The following KIAA1549 variants were observed in gnomAD, a reference collection of about 807,000 sequenced individuals.
The protein encoded by KIAA1549 is UPF0606 protein KIAA1549.
In KIAA1549, 70 loss-of-function variants were observed where a neutral mutation model predicts 156.4. The observed-to-expected ratio is 0.45, with a 90% CI of 0.37 to 0.55. KIAA1549 has a LOEUF of 0.55. KIAA1549 is among the 20% of genes least tolerant of loss of function. The pLI is 0.00. For missense variants in KIAA1549, 2,428 were observed against 2,540.9 expected, an observed-to-expected ratio of 0.96 and a Z score of 0.96; for synonymous variants, 1,103 against 1,066.4, an observed-to-expected ratio of 1.03 and a Z score of -0.67.
chr7:138,911,659 T>C lies in KIAA1549; in HGVS notation c.2968-336A>G, dbSNP rs140002726. Among the ~76,000 whole-genome samples the C allele has an allele frequency of 2.8e-3, 423 of 152,336 alleles. 1 individual carries two copies. The highest frequency in any genetic ancestry group is 8.9e-3 in the African/African-American group (371 of 41,584). On this transcript the variant is annotated intron_variant, in intron 3 of 19. Coordinates refer to ENST00000422774, the MANE Select transcript of KIAA1549 (RefSeq NM_001164665.2). ...CCAAAATAAATATGCAATTTAAAAATTTCTAGTGGCCACATTAAAAAACAT... is the reference window on the plus strand; with the variant it reads ...CCAAAATAAATATGCAATTTAAAAACTTCTAGTGGCCACATTAAAAAACAT...
At chr7:138,868,984 T>G (rs1000034770) in intron 14 of KIAA1549, among the ~76,000 whole-genome samples, 2 of 152,104 alleles carry the variant, frequency 1.3e-5, no homozygotes, top group Non-Finnish European at 2.9e-5. Flanking sequence ...GAGAAAGACA[T>G]ACATGAGAGC....
intron 9 of KIAA1549, 41 bp from the exon 10 acceptor site, chr7:138,894,567 C>T (rs1240166680): frequency 2.0e-5 from 32 of 1,591,276 alleles, no homozygotes; most frequent in Non-Finnish European, 2.8e-5. Flanking sequence ...ATTCCTTCTT[C>T]ACTCATGCAC....
intron 13 of KIAA1549, among the ~76,000 whole-genome samples, chr7:138,870,892 A>G (rs1328644871): frequency 6.6e-6 from 1 of 152,160 alleles, no homozygotes; most frequent in Non-Finnish European, 1.5e-5. Context: ...ATCCCGGCTC[A>G]GTGCAAACTC....
Position 138,919,031 on chromosome 7 carries a change from G to A in KIAA1549, c.595C>T (p.Pro199Ser), listed in dbSNP as rs1339409118. The change falls in exon 2 of 20, where the codon CCC becomes TCC. Residue 199 changes from proline to serine, a missense_variant. By Grantham distance (74) the Pro-to-Ser change is moderately conservative. Around this residue, in one of 5 missense-constraint regions of KIAA1549, gnomAD observed 893 missense variants for 847.9 expected, o/e 1.05. Transcript: ENST00000422774. ...TCTTCATCTTGTAAAGAAACCATGG[G>A]TAATGATGGAGTGAGCATAGGTTCT... ...ALEPMLTPSL[P>S]MVSLQDEEVT... 6.2e-7 allele frequency: 1 copy of A among 1,613,998 alleles called. No homozygotes were observed. Among genetic ancestry groups the A allele is most frequent in the East Asian group, 2.2e-5 (1 of 44,888 alleles).
At chr7:138,919,482 T>G (rs535291254) in intron 1 of KIAA1549, 44 bp from the exon 2 acceptor site, 1 of 1,574,246 alleles carries the variant, frequency 6.4e-7, no homozygotes, top group African/African-American at 1.4e-5. Flanking sequence ...GCATTGGAAG[T>G]CACACAGCTA....
intron 1 of KIAA1549, among the ~76,000 whole-genome samples, chr7:138,953,231 C>G (rs551810894): frequency 6.6e-6 from 1 of 152,292 alleles, no homozygotes; most frequent in African/African-American, 2.4e-5. Flanking sequence ...TGGTGCACAC[C>G]TGTAGTCCAA....
chr7:138,958,431 G>C (rs1286418278), intron 1 of KIAA1549, among the ~76,000 whole-genome samples: 1 of 152,180 alleles, frequency 6.6e-6, no homozygotes, highest in African/African-American at 2.4e-5. Context: ...TGCCCTAAAG[G>C]AACAGTCTTC....
intron 16 of KIAA1549, among the ~76,000 whole-genome samples, chr7:138,856,518 A>G (rs967398714): frequency 6.6e-6 from 1 of 152,148 alleles, no homozygotes; most frequent in African/African-American, 2.4e-5. Context: ...GCTTTCTATT[A>G]GTCTCTCTGT....
At chr7:138,920,082 C>T (rs1039233121) in intron 1 of KIAA1549, among the ~76,000 whole-genome samples, 1 of 145,452 alleles carries the variant, frequency 6.9e-6, no homozygotes, top group Non-Finnish European at 1.5e-5. Flanking sequence ...GCCTTCCCAG[C>T]TATGCTCTGG....
At chr7:138,952,532 G>A (rs1468559658) in intron 1 of KIAA1549, among the ~76,000 whole-genome samples, 1 of 152,174 alleles carries the variant, frequency 6.6e-6, no homozygotes, top group Non-Finnish European at 1.5e-5. Flanking sequence ...ATCAAATGGT[G>A]TTCATAAAGG....
At chr7:138,877,075 C>T (rs1332853779) in intron 12 of KIAA1549, among the ~76,000 whole-genome samples, 2 of 152,182 alleles carry the variant, frequency 1.3e-5, no homozygotes, top group Admixed American at 6.5e-5. Context: ...TGAGAGGGAA[C>T]GCTGGTCCCA....
intron 1 of KIAA1549, among the ~76,000 whole-genome samples, chr7:138,944,079 T>TC (rs1275797653): frequency 6.9e-6 from 1 of 145,446 alleles, no homozygotes; most frequent in African/African-American, 2.6e-5. Flanking sequence ...CTCTTAGCAT[T>TC]TTTTTTTTTG....
Position 138,917,194 on chromosome 7 carries a change from G to C in KIAA1549, c.2432C>G (p.Pro811Arg). The C allele has an allele frequency of 6.2e-7, 1 of 1,613,990 alleles. No individual in the cohort carries two copies. The highest frequency in any genetic ancestry group is 8.5e-7 in the Non-Finnish European group (1 of 1,179,896). Residue 811 changes from proline (P) to arginine (R), a missense_variant, in exon 2 of 20, where the codon CCT becomes CGT. Coordinates refer to ENST00000422774, the MANE Select transcript of KIAA1549 (RefSeq NM_001164665.2). ...ESSLFSTLTP[P>R]DDQISALDGH... is the part of the protein sequence containing the mutation. ...GTCTAGAGCACTGATTTGGTCGTCAGGAGGTGTCAGAGTTGAGAACAAAGA... is the reference window on the plus strand; with the variant it reads ...GTCTAGAGCACTGATTTGGTCGTCACGAGGTGTCAGAGTTGAGAACAAAGA...
chr7:138,950,599 G>T (rs1813466860), intron 1 of KIAA1549, among the ~76,000 whole-genome samples: 1 of 152,224 alleles, frequency 6.6e-6, no homozygotes, highest in African/African-American at 2.4e-5. Flanking sequence ...TATCTTCCAT[G>T]CTCAGGGCAA....
chr7:138,981,353 G>T lies in KIAA1549; in HGVS notation c.-84C>A. 1.0e-5 allele frequency: 5 copies of T among 492,598 alleles called. No homozygotes were observed. The highest frequency in any genetic ancestry group is 1.0e-5 in the Non-Finnish European group (4 of 382,504). The allele number at this position is 492,598 out of a possible 1,614,324, so 30.5% of individuals were successfully genotyped here. ...CGGCCGCTGCGGCTGCGGCTGGGACGGGGCGCCGCGCACCGGCGCGGAGGG... is the reference window on the plus strand; with the variant it reads ...CGGCCGCTGCGGCTGCGGCTGGGACTGGGCGCCGCGCACCGGCGCGGAGGG... On this transcript the variant is annotated 5_prime_UTR_variant, in exon 1 of 20. Transcript: ENST00000422774. This position sits in a 1 kb window ranked among gnomAD's most constrained non-coding sequence, Gnocchi z 4.5.
chr7:138,850,443 T>C (rs1810204244), intron 17 of KIAA1549, among the ~76,000 whole-genome samples: 1 of 152,204 alleles, frequency 6.6e-6, no homozygotes, highest in Non-Finnish European at 1.5e-5. Flanking sequence ...TCTCTAATAA[T>C]CAGTGATATT....
intron 7 of KIAA1549, 127 bp downstream of exon 7, chr7:138,904,895 T>C (rs781158370): frequency 1.6e-6 from 1 of 615,672 alleles, no homozygotes; most frequent in Non-Finnish European, 2.8e-6. Flanking sequence ...CCATTCATTC[T>C]TTGCCAAGAA....
chr7:138,969,624 G>A (rs747950357), intron 1 of KIAA1549, among the ~76,000 whole-genome samples: 17 of 152,112 alleles, frequency 1.1e-4, no homozygotes, highest in Non-Finnish European at 2.1e-4. Context: ...ATGGAGTCTT[G>A]CTCTGTCTCC....
intron 1 of KIAA1549, among the ~76,000 whole-genome samples, chr7:138,960,296 T>C (rs1813801139): frequency 6.6e-6 from 1 of 150,874 alleles, no homozygotes; most frequent in Admixed American, 6.6e-5. Flanking sequence ...ATTTTATTGA[T>C]TTATTGATTT....
Sources: allele counts gnomAD v4.1 joint callset (sites outside exome capture counted in the v4.1 genomes callset), GRCh38; gene constraint gnomAD v4.1.1; regional missense constraint gnomAD v4.1.1; non-coding constraint Gnocchi (gnomAD v3.1); transcripts MANE v1.5; gene names NCBI Gene and HGNC (gene_info 2026-07-23, HGNC 2026-07-21).